UBR4: variants seen among roughly 807,000 people sequenced by gnomAD.
UBR4 encodes E3 ubiquitin-protein ligase UBR4.
UBR4 carries 124 observed loss-of-function variants against 575.6 expected under a neutral mutation model. That is an observed-to-expected ratio of 0.22 (90% CI 0.19 to 0.25). The LOEUF is 0.25. Ranked by LOEUF, UBR4 falls within the 10% of genes least tolerant of loss-of-function variation. The pLI is 1.00. For synonymous variants in UBR4, 2,455 were observed against 2,473.7 expected, an observed-to-expected ratio of 0.99 and a Z score of 0.22; for missense variants, 4,818 against 6,478.8, an observed-to-expected ratio of 0.74 and a Z score of 8.80.
chr1:19,141,799 C>A, intron 55 of UBR4, 22 bp from the exon 56 acceptor site: 1 of 1,612,414 alleles, frequency 6.2e-7, no homozygotes, highest in South Asian at 1.1e-5. Flanking sequence ...AAACCCCAGT[C>A]ACCTGAAGGT....
At chr1:19,202,303 C>G (rs1485273019) in intron 1 of UBR4, among the ~76,000 whole-genome samples, 2 of 152,120 alleles carry the variant, frequency 1.3e-5, no homozygotes, top group Non-Finnish European at 1.5e-5. Context: ...TTTTCAAAGT[C>G]AAGCAGAACT....
At chr1:19,155,358 A>G in intron 43 of UBR4, 83 bp downstream of exon 43, 1 of 1,388,892 alleles carries the variant, frequency 7.2e-7, no homozygotes, top group East Asian at 2.3e-5. Flanking sequence ...GAAAAATGTT[A>G]TAAAAGAACA....
intron 47 of UBR4, 47 bp from the exon 48 acceptor site, chr1:19,151,906 G>C: frequency 1.3e-6 from 2 of 1,481,976 alleles, no homozygotes; most frequent in East Asian, 2.3e-5. Flanking sequence ...AAGTTCTTAA[G>C]TTTTAACTAG....
intron 105 of UBR4, 82 bp from the exon 106 acceptor site, chr1:19,074,978 C>T: frequency 6.9e-7 from 1 of 1,454,054 alleles, no homozygotes; most frequent in East Asian, 2.3e-5. Flanking sequence ...CCGCATCTAG[C>T]AGAGAACACA....
At position 19,084,693 on chromosome 1, in the gene UBR4, T is replaced by C; in HGVS notation, c.14819A>G (p.Asn4940Ser). 1 of 1,608,414 alleles carries C rather than the reference T, an allele frequency of 6.2e-7. No homozygotes were observed. The highest frequency in any genetic ancestry group is 8.5e-7 in the Non-Finnish European group (1 of 1,175,978). The change falls in exon 102 of 106, where the codon AAC becomes AGC. Residue 4940 changes from asparagine to serine, a missense_variant. Around this residue, in one of 29 missense-constraint regions of UBR4, gnomAD observed 196 missense variants for 386.8 expected, o/e 0.51. Coordinates refer to ENST00000375254, the MANE Select transcript of UBR4 (RefSeq NM_020765.3). ...SAFATCLARH[N>S]TYLQECTGQR... ...GCCTGTACATTCCTGGAGGTAAGTG[T>C]TGTGTCTAGAGGGAAGCAGAACAAA...
At position 19,117,493 on chromosome 1, in the gene UBR4, C is replaced by T. The variant is rs1184929080; in HGVS notation, c.10630-79G>A. On this transcript the variant is annotated intron_variant, in intron 72 of 105. Coordinates refer to ENST00000375254, the MANE Select transcript of UBR4 (RefSeq NM_020765.3). This position sits in a 1 kb window ranked among gnomAD's most constrained non-coding sequence, Gnocchi z 4.0. ...TTTAAAAATTCATCAGTGTAACCCA[C>T]TCTTCATCCACAAGATGAAGTTTCT... 2.1e-6 allele frequency: 3 copies of T among 1,413,788 alleles called. No homozygotes were observed. The highest frequency in any genetic ancestry group is 2.9e-5 in the African/African-American group (2 of 69,568). 87.6% of individuals were successfully genotyped at this position (1,413,788 alleles called of 1,614,324 possible).
Position 19,084,514 on chromosome 1 carries a change from C to T in UBR4, c.14998G>A (p.Val5000Ile), listed in dbSNP as rs773449549. The T allele has an allele frequency of 6.8e-6, 11 of 1,611,352 alleles. No individual in the cohort carries two copies. In the East Asian group the frequency reaches 1.3e-4, roughly 20 times the overall value. Residue 5000 changes from valine (V) to isoleucine (I), a missense_variant, in exon 102 of 106, where the codon GTC (valine) becomes ATC (isoleucine). Coordinates refer to ENST00000375254, the MANE Select transcript of UBR4 (RefSeq NM_020765.3). ...IPYIIHTVLY[V>I]LNTTRATSRE... ...ACACAGGGTACTGACGTGTTCAGGA[C>T]GTAAAGCACAGTGTGAATGATGTAC...
At chr1:19,197,876 T>C (rs531650906) in intron 6 of UBR4, 65 bp from the exon 7 acceptor site, 4 of 1,612,272 alleles carry the variant, frequency 2.5e-6, no homozygotes, top group African/African-American at 1.3e-5. Flanking sequence ...CTTATCCATA[T>C]GACAGAAGCA....
At chr1:19,190,132 C>CA (rs889304495) in intron 11 of UBR4, among the ~76,000 whole-genome samples, 2,054 of 135,356 alleles carry the variant, frequency 0.015, 17 homozygotes, top group Middle Eastern at 0.022. Flanking sequence ...ATTAAAAATA[C>CA]AAAAAAAAAA....
intron 1 of UBR4, among the ~76,000 whole-genome samples, chr1:19,206,965 C>T (rs765452370): frequency 2.0e-5 from 3 of 152,150 alleles, no homozygotes; most frequent in Non-Finnish European, 4.4e-5. Flanking sequence ...CGTCATCATT[C>T]TCAATGGTCA....
At chr1:19,182,414 G>A (rs575845715) in intron 17 of UBR4, among the ~76,000 whole-genome samples, 14 of 151,834 alleles carry the variant, frequency 9.2e-5, no homozygotes, top group Admixed American at 2.0e-4. Flanking sequence ...ATTTGCAGGC[G>A]CAATCATAGC....
chr1:19,182,561 T>G (rs535896954), intron 17 of UBR4, among the ~76,000 whole-genome samples: 348 of 152,308 alleles, frequency 2.3e-3, no homozygotes, highest in African/African-American at 7.4e-3. Context: ...TTTCCACAGC[T>G]ACTGTATCAT....
chr1:19,128,879 C>A, intron 61 of UBR4, 99 bp downstream of exon 61: 1 of 1,061,516 alleles, frequency 9.4e-7, no homozygotes, highest in Non-Finnish European at 1.4e-6. Flanking sequence ...TGGCCTAACA[C>A]CAAACGAAGG....
intron 90 of UBR4, among the ~76,000 whole-genome samples, chr1:19,097,823 C>A (rs1412096753): frequency 6.6e-6 from 1 of 152,178 alleles, no homozygotes; most frequent in Non-Finnish European, 1.5e-5. Flanking sequence ...TCAATCTTTA[C>A]CTACAGAGAT....
chr1:19,117,902 G>A lies in UBR4; in HGVS notation c.10550C>T (p.Ser3517Phe), dbSNP rs1200717961. The change falls in exon 72 of 106, where the codon TCT (serine) becomes TTT (phenylalanine). Residue 3517 changes from serine (S) to phenylalanine (F), a missense_variant. Physicochemically the swap from Ser to Phe is radical, Grantham distance 155. Transcript: ENST00000375254. This position sits in a 1 kb window ranked among gnomAD's most constrained non-coding sequence, Gnocchi z 4.0. The stretch of plus-strand genomic sequence containing the variant: ...ATAGCCATCAAACTCCACTAAGCCA[G>A]ACAAAGTGCTAAGGAAGAAACCAGT... Reference protein sequence around the residue: ...HPNSNIYNTLSGLVEFDGYYL... With the variant: ...HPNSNIYNTLFGLVEFDGYYL... The A allele has an allele frequency of 1.9e-6, 3 of 1,613,990 alleles. No homozygotes were observed. The highest frequency in any genetic ancestry group is 2.5e-6 in the Non-Finnish European group (3 of 1,179,992).
intron 105 of UBR4, among the ~76,000 whole-genome samples, chr1:19,076,382 T>C (rs2075943436): frequency 6.6e-6 from 1 of 152,186 alleles, no homozygotes; most frequent in Non-Finnish European, 1.5e-5. Flanking sequence ...ATGCTATCAC[T>C]TTCTAGCTAT....
rs756711817 is a variant in UBR4 at position 19,156,830 on chromosome 1, A to G, written c.5856T>C (p.Phe1952=). The G allele has an allele frequency of 1.2e-5, 19 of 1,614,130 alleles. No individual in the cohort carries two copies. Among genetic ancestry groups the G allele is most frequent in the Non-Finnish European group, 1.6e-5 (19 of 1,179,992 alleles). ...LTRLASAPVP[F]TVLSLTGNPC... ...GATTTCCTGTGAGGCTCAACACAGT[A>G]AAAGGAACTGGGGCAGAAGCCAAGC... The change falls in exon 41 of 106, where the codon TTT becomes TTC. Residue 1952 remains phenylalanine (F), a synonymous_variant. Coordinates refer to ENST00000375254, the MANE Select transcript of UBR4 (RefSeq NM_020765.3).
intron 92 of UBR4, 106 bp from the exon 93 acceptor site, chr1:19,095,758 C>T: frequency 1.0e-6 from 1 of 997,432 alleles, no homozygotes; most frequent in South Asian, 1.4e-5. Flanking sequence ...TCAGCAGGGG[C>T]TCCTCCTGAA....
chr1:19,114,195 T>A, intron 75 of UBR4, 125 bp from the exon 76 acceptor site: 1 of 1,232,048 alleles, frequency 8.1e-7, no homozygotes, highest in South Asian at 1.6e-5. Flanking sequence ...TCATACATTA[T>A]CTCTGTTCTT....
Sources: gnomAD v4.1 joint callset for allele counts (sites outside exome capture counted in the v4.1 genomes callset) on GRCh38, gnomAD v4.1.1 for gene constraint, gnomAD v4.1.1 regional missense constraint, Gnocchi (gnomAD v3.1) non-coding constraint, MANE v1.5 for transcripts, NCBI Gene and HGNC (gene_info 2026-07-23, HGNC 2026-07-21) for gene names.